MAPK9: variants seen among roughly 807,000 people sequenced by gnomAD.
The protein encoded by MAPK9 is Jun kinase.
A neutral mutation model predicts 57.1 loss-of-function variants in MAPK9; 30 were observed. The ratio of observed to expected loss-of-function variants is 0.53; its 90% confidence interval spans 0.39 to 0.71. MAPK9 has a LOEUF of 0.71. MAPK9 is among the 30% of genes least tolerant of loss of function. The probability of loss-of-function intolerance (pLI) is 0.00; values close to 1 mark genes in which losing one functional copy is unlikely to be tolerated. For missense variants in MAPK9, 362 were observed against 521.0 expected, an observed-to-expected ratio of 0.69 and a Z score of 2.97; for synonymous variants, 155 against 177.0, an observed-to-expected ratio of 0.88 and a Z score of 0.99.
At position 180,234,882 on chromosome 5, in the gene MAPK9, T is replaced by C. The variant is rs1757073160; in HGVS notation, c.*1502A>G. The C allele has an allele frequency of 6.6e-6, 1 of 152,222 alleles. No homozygotes were observed. Among genetic ancestry groups the C allele is most frequent in the Non-Finnish European group, 1.5e-5 (1 of 68,044 alleles). 9.4% of individuals were successfully genotyped at this position (152,222 alleles called of 1,614,324 possible). A position where few individuals can be genotyped will look rare whatever the true frequency, so the allele number is the denominator to read the frequency against. ...ATTTTACATAATATTTATAATAAAC[T>C]TTCTTATCACAGTTCCTCCTCAGAA... On this transcript the variant is annotated 3_prime_UTR_variant, in exon 12 of 12. Transcript: ENST00000452135.
chr5:180,287,374 T>C (rs1762864826), intron 1 of MAPK9, among the ~76,000 whole-genome samples: 2 of 152,214 alleles, frequency 1.3e-5, no homozygotes, highest in Non-Finnish European at 2.9e-5. Flanking sequence ...TCTGTGCCAT[T>C]TGTGCAACTT....
intron 5 of MAPK9, among the ~76,000 whole-genome samples, chr5:180,261,031 A>G (rs1282239284): frequency 6.6e-6 from 1 of 152,202 alleles, no homozygotes; most frequent in African/African-American, 2.4e-5. Context: ...AGAGAGAATT[A>G]TATTAATTAT....
In MAPK9 at chr5:180,233,703, T is replaced by A. The variant is rs188149248; in HGVS notation, c.*2681A>T. On this transcript the variant is annotated 3_prime_UTR_variant, in exon 12 of 12. Transcript: ENST00000452135. ...CTTTTGAGATATGCAATCTGAAAGG[T>A]CACACTTGTATTTATTACCAGGAGG... is the stretch of plus-strand genomic sequence containing the variant. 32 of 152,348 alleles carry A rather than the reference T, an allele frequency of 2.1e-4. No individual in the cohort carries two copies. The East Asian group carries it at 6.0e-3, about 28-fold the overall frequency. 9.4% of individuals were successfully genotyped at this position (152,348 alleles called of 1,614,324 possible).
At chr5:180,285,762 T>C (rs967635276) in intron 1 of MAPK9, among the ~76,000 whole-genome samples, 57 of 117,770 alleles carry the variant, frequency 4.8e-4, no homozygotes, top group African/African-American at 1.7e-3. Context: ...CAACTCTATA[T>C]TAAACAATAA....
intron 11 of MAPK9, chr5:180,236,888 G>C (rs1161237342): frequency 6.3e-6 from 1 of 159,046 alleles, no homozygotes; most frequent in Non-Finnish European, 1.4e-5. Flanking sequence ...AAAAGCTTAA[G>C]CCTGACTAGG....
chr5:180,291,529 C>A (rs1763235271), intron 1 of MAPK9, among the ~76,000 whole-genome samples: 1 of 152,104 alleles, frequency 6.6e-6, no homozygotes, highest in Non-Finnish European at 1.5e-5. Context: ...GTCGCGGGGA[C>A]GCGACCCCGG....
intron 2 of MAPK9, among the ~76,000 whole-genome samples, chr5:180,272,110 A>G (rs906015908): frequency 2.0e-5 from 3 of 152,008 alleles, no homozygotes; most frequent in Non-Finnish European, 4.4e-5. Flanking sequence ...ATTTGCAGAC[A>G]CTCTTCTTGC....
At chr5:180,251,779 C>T (rs922443588) in intron 5 of MAPK9, among the ~76,000 whole-genome samples, 9 of 152,254 alleles carry the variant, frequency 5.9e-5, no homozygotes, top group African/African-American at 1.7e-4. Flanking sequence ...TGGAACCCAA[C>T]GCTACCCTGT....
rs556169756 is a variant in MAPK9, at chr5:180,291,970, CCCGCCGCCGCCGCCG to C, written c.-185_-171del. The C allele has an allele frequency of 3.8e-5, 6 of 155,930 alleles. No individual in the cohort carries two copies. The South Asian group carries it at 5.2e-4, about 14-fold the overall frequency. The allele number at this position is 155,930 out of a possible 1,614,324, so 9.7% of individuals were successfully genotyped here. A position where few individuals can be genotyped will look rare whatever the true frequency, so the allele number is the denominator to read the frequency against. ...GCCGGCCCGCCCCGCTCCGCTCCGC[CCCGCCGCCGCCGCCG>C]CCGCCGCCGCCGCAGTGGGTGTGAG... On this transcript the variant is annotated 5_prime_UTR_variant, in exon 1 of 12. Coordinates refer to ENST00000452135, the MANE Select transcript of MAPK9 (RefSeq NM_002752.5).
chr5:180,275,560 G>T (rs1402749277), intron 2 of MAPK9, among the ~76,000 whole-genome samples: 1 of 152,194 alleles, frequency 6.6e-6, no homozygotes, highest in Non-Finnish European at 1.5e-5. Flanking sequence ...CCAAGGGAAA[G>T]ACAGCCCCAC....
rs374276655 is a variant in MAPK9, at chr5:180,262,101, T to A, written c.312-279A>T. On this transcript the variant is annotated intron_variant, in intron 4 of 11. Coordinates refer to ENST00000452135, the MANE Select transcript of MAPK9 (RefSeq NM_002752.5). ...CTACTTCTTACATTTTTGGCTGAAATTCTCCGTACCAGCCTAAAGACCATG... is the reference window on the plus strand; with the variant it reads ...CTACTTCTTACATTTTTGGCTGAAAATCTCCGTACCAGCCTAAAGACCATG... Among the ~76,000 whole-genome samples, 33 of 152,138 alleles carry A rather than the reference T, an allele frequency of 2.2e-4. No individual in the cohort carries two copies. In the East Asian group the frequency reaches 5.8e-3, roughly 27 times the overall value.
At chr5:180,280,176 T>TG in intron 2 of MAPK9, 2 of 471,822 alleles carry the variant, frequency 4.2e-6, no homozygotes, top group Non-Finnish European at 7.7e-6. Context: ...ACAGGAGAAA[T>TG]GAAAAAAAAA....
intron 10 of MAPK9, among the ~76,000 whole-genome samples, chr5:180,239,602 C>T (rs1757483064): frequency 6.6e-6 from 1 of 152,110 alleles, no homozygotes; most frequent in Admixed American, 6.5e-5. Flanking sequence ...AACATATGTA[C>T]AACTACATGG....
intron 2 of MAPK9, chr5:180,279,875 C>G (rs1275447487): frequency 2.2e-6 from 1 of 456,486 alleles, no homozygotes; most frequent in Non-Finnish European, 4.4e-6. Context: ...ACTAACGATT[C>G]TGACGTTCTG....
At position 180,235,336 on chromosome 5, in the gene MAPK9, A is replaced by C. The variant is rs1757098975; in HGVS notation, c.*1048T>G. 1 of 152,228 alleles carries C rather than the reference A, an allele frequency of 6.6e-6. No homozygotes were observed. Among genetic ancestry groups the C allele is most frequent in the Admixed American group, 6.5e-5 (1 of 15,288 alleles). 9.4% of individuals were successfully genotyped at this position (152,228 alleles called of 1,614,324 possible). On this transcript the variant is annotated 3_prime_UTR_variant, in exon 12 of 12. Transcript: ENST00000452135. Reference sequence around the variant, plus strand: ...CTGCTTTCTTCCAGTGAAGAAAGAAAATCAAGAACGTGGTATTGGCCGAGG... The same window carrying C: ...CTGCTTTCTTCCAGTGAAGAAAGAACATCAAGAACGTGGTATTGGCCGAGG...
In MAPK9 at chr5:180,236,184, C is replaced by T. The variant is rs534129817; in HGVS notation, c.*200G>A. 8.6e-6 allele frequency: 4 copies of T among 464,250 alleles called. No homozygotes were observed. In the South Asian group the frequency reaches 2.0e-4, roughly 24 times the overall value. The allele number at this position is 464,250 out of a possible 1,614,324, so 28.8% of individuals were successfully genotyped here. A position where few individuals can be genotyped will look rare whatever the true frequency, so the allele number is the denominator to read the frequency against. ...ACAAAATCTCTAGAAGTGTGGCTTG[C>T]AATTTTTTTCTTCAGACATATTCTG... On this transcript the variant is annotated 3_prime_UTR_variant, in exon 12 of 12. Coordinates refer to ENST00000452135, the MANE Select transcript of MAPK9 (RefSeq NM_002752.5).
At chr5:180,242,451 C>T in intron 8 of MAPK9, 122 bp downstream of exon 8, 1 of 864,480 alleles carries the variant, frequency 1.2e-6, no homozygotes, top group East Asian at 2.6e-5. Context: ...CTTCGTACCT[C>T]AGACTTCAGG....
chr5:180,251,979 G>A (rs575814284), intron 5 of MAPK9, among the ~76,000 whole-genome samples: 24 of 152,240 alleles, frequency 1.6e-4, no homozygotes, highest in Admixed American at 5.9e-4. Context: ...GCCACCCACC[G>A]GGTAAGAACA....
At chr5:180,248,881 T>G (rs1758386784) in intron 6 of MAPK9, 92 bp downstream of exon 6, 2 of 1,391,962 alleles carry the variant, frequency 1.4e-6, no homozygotes, top group Admixed American at 4.7e-5. Context: ...ACAGTATATA[T>G]CATATGGTTC....
Sources: allele counts gnomAD v4.1 joint callset (sites outside exome capture counted in the v4.1 genomes callset), GRCh38; gene constraint gnomAD v4.1.1; transcripts MANE v1.5; gene names NCBI Gene and HGNC (gene_info 2026-07-23, HGNC 2026-07-21).